Variants in ABCG5 observed in about 807,000 individuals in gnomAD.
ABCG5 encodes ATP-binding cassette sub-family G member 5.
In ABCG5, 64 loss-of-function variants were observed where a neutral mutation model predicts 64.5. The ratio of observed to expected loss-of-function variants is 0.99; its 90% CI spans 0.81 to 1.22. The LOEUF (loss-of-function observed/expected upper bound fraction) is 1.22. Ranked by LOEUF, ABCG5 falls within the 50% of genes most tolerant of loss-of-function variation. ABCG5 has a pLI of 0.00. For missense variants in ABCG5, 908 were observed against 829.5 expected, an observed-to-expected ratio of 1.09 and a Z score of -1.16; for synonymous variants, 385 against 326.3, an observed-to-expected ratio of 1.18 and a Z score of -1.94.
At chr2:43,832,364 G>A in intron 2 of ABCG5, 1 of 566,678 alleles carries the variant, frequency 1.8e-6, no homozygotes, top group East Asian at 2.9e-5. Context: ...TGCTTTCTCT[G>A]CTTGTTTATT....
At chr2:43,831,677 G>GC in intron 4 of ABCG5, 92 bp downstream of exon 4, 1 of 1,284,118 alleles carries the variant, frequency 7.8e-7, no homozygotes, top group Non-Finnish European at 1.1e-6. Context: ...CGAGCAAAGG[G>GC]AAGGAATGGG....
At chr2:43,826,972 G>A (rs1209747810) in intron 5 of ABCG5, among the ~76,000 whole-genome samples, 1 of 152,230 alleles carries the variant, frequency 6.6e-6, no homozygotes, top group Non-Finnish European at 1.5e-5. Flanking sequence ...AACAAGGCCT[G>A]AAGTGTGGCA....
downstream of ABCG5, chr2:43,810,329 C>T (rs1033495822): frequency 1.2e-5 from 12 of 982,052 alleles, no homozygotes; most frequent in Non-Finnish European, 1.3e-5. Flanking sequence ...ACCAATTTCA[C>T]CCTGCTGTGA....
chr2:43,829,698 A>G (rs1667848528), intron 4 of ABCG5, among the ~76,000 whole-genome samples: 1 of 152,218 alleles, frequency 6.6e-6, no homozygotes, highest in Non-Finnish European at 1.5e-5. Context: ...AAAGAGACAG[A>G]AGATACTCAT....
At position 43,832,368 on chromosome 2, in the gene ABCG5, GTTTA is replaced by G. The variant is rs1668003988; in HGVS notation, c.266-289_266-286del. ...AAGACCGAACGTGCTTTCTCTGCTTGTTTATTTGTCTTTAAAACTGTTTTGGATT... is the reference window on the plus strand; with the variant it reads ...AAGACCGAACGTGCTTTCTCTGCTTGTTTGTCTTTAAAACTGTTTTGGATT... On this transcript the variant is annotated intron_variant, in intron 2 of 12. Transcript: ENST00000405322. 1.8e-5 allele frequency: 10 copies of G among 561,822 alleles called. No homozygotes were observed. In the South Asian group the frequency reaches 2.0e-4, roughly 12 times the overall value. 34.8% of individuals were successfully genotyped at this position (561,822 alleles called of 1,614,324 possible).
In ABCG5 at chr2:43,827,998, G is replaced by C; in HGVS notation, c.619C>G (p.Leu207Val). The change falls in exon 5 of 13, where the codon CTG becomes GTG. Residue 207 changes from leucine to valine, a missense_variant. Coordinates refer to ENST00000405322, the MANE Select transcript of ABCG5 (RefSeq NM_022436.3). ...TGCCACTTACTAGGATCCTGGAGCA[G>C]CTGGGCTGCGATGGAGACCCGGCGC... ...ERRRVSIAAQ[L>V]LQDPKVMLFD... 1 of 1,614,096 alleles carries C rather than the reference G, an allele frequency of 6.2e-7. No homozygotes were observed. Among genetic ancestry groups the C allele is most frequent in the African/African-American group, 1.3e-5 (1 of 75,046 alleles).
At chr2:43,829,871 A>G (rs1011665760) in intron 4 of ABCG5, among the ~76,000 whole-genome samples, 1 of 152,240 alleles carries the variant, frequency 6.6e-6, no homozygotes, top group Admixed American at 6.5e-5. Flanking sequence ...GACGGCATAG[A>G]TGTAGCTTTG....
intron 11 of ABCG5, among the ~76,000 whole-genome samples, chr2:43,818,286 A>C (rs1414778773): frequency 6.6e-6 from 1 of 152,072 alleles, no homozygotes; most frequent in Non-Finnish European, 1.5e-5. Context: ...TCTACTAAAA[A>C]TACAAAAATT....
At position 43,824,027 on chromosome 2, in the gene ABCG5, C is replaced by G. The variant is rs200396635; in HGVS notation, c.1210G>C (p.Val404Leu). Residue 404 changes from valine to leucine, a missense_variant, in exon 9 of 13, where the codon GTT (valine) becomes CTT (leucine). Val to Leu is a conservative substitution (Grantham distance 32, BLOSUM62 1). Transcript: ENST00000405322. The stretch of plus-strand genomic sequence containing the variant: ...AGCACATTGCTTCGGACCCGCAGAA[C>G]GAAGAAAAGGAGGAACAAACCCATG... Reference protein sequence around the residue: ...LIMGLFLLFFVLRVRSNVLKG... With the variant: ...LIMGLFLLFFLLRVRSNVLKG... 2 of 1,614,126 alleles carry G rather than the reference C, an allele frequency of 1.2e-6. No homozygotes were observed. The highest frequency in any genetic ancestry group is 1.1e-5 in the South Asian group (1 of 91,078).
At chr2:43,806,901 T>C in the ABCG5 span, among the ~76,000 whole-genome samples, 2 of 152,136 alleles carry the variant, frequency 1.3e-5, no homozygotes, top group Admixed American at 6.5e-5. Flanking sequence ...TCGAGATTTT[T>C]TTTTAACCTA....
chr2:43,819,436 C>T (rs1006124717), intron 11 of ABCG5, among the ~76,000 whole-genome samples: 1 of 150,690 alleles, frequency 6.6e-6, no homozygotes, highest in African/African-American at 2.4e-5. Context: ...TGGTGCATAT[C>T]CTTTAAGCCT....
rs1247195901 is a variant in ABCG5 at position 43,814,520 on chromosome 2, C to A, written c.1719G>T (p.Glu573Asp). 1.9e-6 allele frequency: 3 copies of A among 1,609,512 alleles called. No individual in the cohort carries two copies. The highest frequency in any genetic ancestry group is 2.6e-6 in the Non-Finnish European group (3 of 1,176,242). Residue 573 changes from glutamate to aspartate, a missense_variant, in exon 12 of 13, where the codon GAG (glutamate) becomes GAT (aspartate). Coordinates refer to ENST00000405322, the MANE Select transcript of ABCG5 (RefSeq NM_022436.3). Reference protein sequence around the residue: ...SYFTFQKYCSEILVVNEFYGL... With the variant: ...SYFTFQKYCSDILVVNEFYGL... ...CGTAGAACTCATTGACTACAAGAAT[C>A]TCACTGCAATATTTTTGGAATGTAA...
At chr2:43,837,193 C>T (rs555588400) in intron 2 of ABCG5, among the ~76,000 whole-genome samples, 6 of 149,906 alleles carry the variant, frequency 4.0e-5, no homozygotes, top group Admixed American at 4.0e-4. Flanking sequence ...TATCTCAGCT[C>T]ACTGAAGTCT....
intron 4 of ABCG5, chr2:43,828,612 TGATG>T: frequency 3.2e-6 from 1 of 313,868 alleles, no homozygotes; most frequent in South Asian, 2.7e-5. Flanking sequence ...CAGTTAGCCA[TGATG>T]GCACCACTGC....
Position 43,826,390 on chromosome 2 carries a change from G to T in ABCG5, c.766C>A (p.Leu256Ile), listed in dbSNP as rs1352124768. 1 of 1,613,984 alleles carries T rather than the reference G, an allele frequency of 6.2e-7. No individual in the cohort carries two copies. The highest frequency in any genetic ancestry group is 8.5e-7 in the Non-Finnish European group (1 of 1,180,000). Reference sequence around the variant, plus strand: ...CGAGTTGAACCTCTTACCTGAAAAAGCTCAGAACGGGGCTGGTGAATGGTG... The same window carrying T: ...CGAGTTGAACCTCTTACCTGAAAAATCTCAGAACGGGGCTGGTGAATGGTG... ...VLTIHQPRSELFQLFDKIAIL... is the reference protein window; with the variant it reads ...VLTIHQPRSEIFQLFDKIAIL... The change falls in exon 6 of 13, where the codon CTT becomes ATT. Residue 256 changes from leucine (L) to isoleucine (I), a missense_variant. By Grantham distance (5) the Leu-to-Ile change is conservative. Coordinates refer to ENST00000405322, the MANE Select transcript of ABCG5 (RefSeq NM_022436.3).
Position 43,837,944 on chromosome 2 carries a change from C to T in ABCG5, c.155G>A (p.Arg52Lys), listed in dbSNP as rs758798787. 1.2e-6 allele frequency: 2 copies of T among 1,614,048 alleles called. No homozygotes were observed. Among genetic ancestry groups the T allele is most frequent in the Non-Finnish European group, 1.7e-6 (2 of 1,179,968 alleles). ...HASYSVSHRV[R>K]PWWDITSCRQ... Reference sequence around the variant, plus strand: ...GCAAGATGTGATGTCCCACCAGGGCCTCACGCGGTGGCTTTAAAGGAAACC... The same window carrying T: ...GCAAGATGTGATGTCCCACCAGGGCTTCACGCGGTGGCTTTAAAGGAAACC... The change falls in exon 2 of 13, where the codon AGG becomes AAG. Residue 52 changes from arginine to lysine, a missense_variant. By Grantham distance (26) the Arg-to-Lys change is conservative. Transcript: ENST00000405322.
chr2:43,822,486 C>CCCCCCAG, intron 10 of ABCG5: 1 of 932,964 alleles, frequency 1.1e-6, no homozygotes, highest in Non-Finnish European at 1.3e-6. Context: ...AGGCCCCCCC[C>CCCCCCAG]CATGCACCTG....
intron 4 of ABCG5, 21 bp from the exon 5 acceptor site, chr2:43,828,136 A>C: frequency 1.2e-6 from 2 of 1,613,726 alleles, no homozygotes; most frequent in Non-Finnish European, 1.7e-6. Flanking sequence ...CACAAATTAC[A>C]GGAAGGCTGG....
In ABCG5 at chr2:43,812,959, G is replaced by T. The variant is rs1393454795; in HGVS notation, c.*157C>A. On this transcript the variant is annotated 3_prime_UTR_variant, in exon 13 of 13. Coordinates refer to ENST00000405322, the MANE Select transcript of ABCG5 (RefSeq NM_022436.3). The stretch of plus-strand genomic sequence containing the variant: ...ATAAACCACTTCCATTGCATTCAAG[G>T]CCTGCTTGGATCCAAGAGGCACAAA... 4 of 653,134 alleles carry T rather than the reference G, an allele frequency of 6.1e-6. No homozygotes were observed. The highest frequency in any genetic ancestry group is 3.5e-5 in the South Asian group (2 of 56,918). 40.5% of individuals were successfully genotyped at this position (653,134 alleles called of 1,614,324 possible).
Sources: gnomAD v4.1 joint callset for allele counts (sites outside exome capture counted in the v4.1 genomes callset) on GRCh38, gnomAD v4.1.1 for gene constraint, MANE v1.5 for transcripts, NCBI Gene and HGNC (gene_info 2026-07-23, HGNC 2026-07-21) for gene names.